Variants in MINAR2 observed in about 807,000 individuals in gnomAD.
The protein encoded by MINAR2 is membrane integral NOTCH2 associated receptor 2, also known as major intrinsically disordered NOTCH2-binding receptor 1-like.
In MINAR2, 21 loss-of-function variants were observed where a neutral mutation model predicts 16.1. The ratio of observed to expected loss-of-function variants is 1.31; its 90% confidence interval spans 0.93 to 1.88. MINAR2 has a LOEUF of 1.88. Ranked by LOEUF, MINAR2 falls within the 40% of genes most tolerant of loss-of-function variation. MINAR2 has a pLI of 0.00. For synonymous variants in MINAR2, 86 were observed against 83.0 expected, an observed-to-expected ratio of 1.04 and a Z score of -0.20; for missense variants, 259 against 229.8, an observed-to-expected ratio of 1.13 and a Z score of -0.82.
Position 129,757,835 on chromosome 5 carries a change from G to A in MINAR2, c.166-2543G>A, listed in dbSNP as rs542169083. Among the ~76,000 whole-genome samples, 6 of 151,834 alleles carry A rather than the reference G, an allele frequency of 4.0e-5. No individual in the cohort carries two copies. In the South Asian group the frequency reaches 1.2e-3, roughly 32 times the overall value. On this transcript the variant is annotated intron_variant, in intron 1 of 2. Transcript: ENST00000564719. ...CTCTATTTCACCTAAATCAATACTT[G>A]CATGGATTCACACACACATTTATCA...
In MINAR2 at chr5:129,748,220, C is replaced by A. The variant is rs1176138115; in HGVS notation, c.30C>A (p.Asn10Lys). The change falls in exon 1 of 3, where the codon AAC becomes AAA. Residue 10 changes from asparagine (N) to lysine (K), a missense_variant. Transcript: ENST00000564719. ...ATCTCTCTGTTTTGCCAAATAACAA[C>A]CATCCTGACAAATTCCTGCAGCTTG... MDLSVLPNN[N>K]HPDKFLQLDV... 6.5e-7 allele frequency: 1 copy of A among 1,535,166 alleles called. No individual in the cohort carries two copies. The highest frequency in any genetic ancestry group is 1.4e-5 in the African/African-American group (1 of 73,134).
chr5:129,763,477 G>C (rs1201171254), intron 2 of MINAR2, among the ~76,000 whole-genome samples: 2 of 152,130 alleles, frequency 1.3e-5, no homozygotes, highest in African/African-American at 4.8e-5. Flanking sequence ...AAAGAGAAAA[G>C]AAATCCATGT....
At chr5:129,761,997 C>T (rs1344381834) in intron 2 of MINAR2, among the ~76,000 whole-genome samples, 1 of 151,954 alleles carries the variant, frequency 6.6e-6, no homozygotes, top group African/African-American at 2.4e-5. Context: ...GGGAACAACA[C>T]ACGCTGGGGC....
In MINAR2 at chr5:129,764,940, C is replaced by G; in HGVS notation, c.450C>G (p.Asp150Glu). The change falls in exon 3 of 3, where the codon GAC becomes GAG. Residue 150 changes from aspartate (D) to glutamate (E), a missense_variant. Physicochemically the swap from Asp to Glu is conservative, Grantham distance 45. Coordinates refer to ENST00000564719, the MANE Select transcript of MINAR2 (RefSeq NM_001257308.2). Reference protein sequence around the residue: ...WLGDMYTPGFDTLLKKEEKQE... With the variant: ...WLGDMYTPGFETLLKKEEKQE... Reference sequence around the variant, plus strand: ...GAGACATGTACACTCCAGGTTTTGACACTTTATTGAAAAAGGAAGAGAAAC... The same window carrying G: ...GAGACATGTACACTCCAGGTTTTGAGACTTTATTGAAAAAGGAAGAGAAAC... 1 of 1,401,446 alleles carries G rather than the reference C, an allele frequency of 7.1e-7. No individual in the cohort carries two copies. The highest frequency in any genetic ancestry group is 9.3e-7 in the Non-Finnish European group (1 of 1,078,904). 86.8% of individuals were successfully genotyped at this position (1,401,446 alleles called of 1,614,324 possible).
At chr5:129,761,012 G>A (rs879484060) in intron 2 of MINAR2, among the ~76,000 whole-genome samples, 1 of 152,124 alleles carries the variant, frequency 6.6e-6, no homozygotes, top group Non-Finnish European at 1.5e-5. Flanking sequence ...TCTGTGTTAG[G>A]CACTGTGCAA....
intron 1 of MINAR2, among the ~76,000 whole-genome samples, chr5:129,759,845 C>G (rs1238028507): frequency 6.6e-6 from 1 of 152,012 alleles, no homozygotes; most frequent in Non-Finnish European, 1.5e-5. Flanking sequence ...TTTACACACA[C>G]ACATGCTAAA....
chr5:129,752,592 G>T (rs1757999070), intron 1 of MINAR2, among the ~76,000 whole-genome samples: 1 of 152,196 alleles, frequency 6.6e-6, no homozygotes, highest in East Asian at 1.9e-4. Context: ...GGCAAGGGGA[G>T]GGATAGCATT....
At chr5:129,762,182 A>G (rs1758145277) in intron 2 of MINAR2, among the ~76,000 whole-genome samples, 1 of 152,180 alleles carries the variant, frequency 6.6e-6, no homozygotes, top group Non-Finnish European at 1.5e-5. Flanking sequence ...AAGTAAAAAA[A>G]AAAATCTGTA....
intron 1 of MINAR2, among the ~76,000 whole-genome samples, chr5:129,756,934 T>TAAAAAAAAA (rs34547893): frequency 5.4e-5 from 4 of 73,964 alleles, no homozygotes; most frequent in Non-Finnish European, 1.1e-4. Flanking sequence ...CTTTCCACAG[T>TAAAAAAAAA]AAAAAAAAAA....
intron 1 of MINAR2, among the ~76,000 whole-genome samples, chr5:129,754,544 G>A (rs1410653432): frequency 2.0e-5 from 3 of 152,010 alleles, no homozygotes; most frequent in Non-Finnish European, 2.9e-5. Flanking sequence ...ATGATGTATC[G>A]TTTTATTTTT....
At chr5:129,755,359 A>T (rs1238293891) in intron 1 of MINAR2, among the ~76,000 whole-genome samples, 1 of 151,904 alleles carries the variant, frequency 6.6e-6, no homozygotes, top group African/African-American at 2.4e-5. Flanking sequence ...TGAGCTGGGG[A>T]TTGTTCCTTT....
chr5:129,753,430 C>A (rs1349862634), intron 1 of MINAR2, among the ~76,000 whole-genome samples: 2 of 137,470 alleles, frequency 1.5e-5, no homozygotes, highest in African/African-American at 2.8e-5. Flanking sequence ...TTGCAGTTAG[C>A]TAAGATCGTG....
At chr5:129,764,353 C>T (rs892459514) in intron 2 of MINAR2, among the ~76,000 whole-genome samples, 13 of 152,164 alleles carry the variant, frequency 8.5e-5, no homozygotes, top group African/African-American at 2.7e-4. Context: ...ATGGAAGAGA[C>T]TCCTGACTTT....
Position 129,748,224 on chromosome 5 carries a change from C to G in MINAR2, c.34C>G (p.Pro12Ala). 6.5e-7 allele frequency: 1 copy of G among 1,535,182 alleles called. No homozygotes were observed. The highest frequency in any genetic ancestry group is 1.2e-5 in the South Asian group (1 of 84,046). The change falls in exon 1 of 3, where the codon CCT becomes GCT. Residue 12 changes from proline (P) to alanine (A), a missense_variant. Transcript: ENST00000564719. ...CTCTGTTTTGCCAAATAACAACCAT[C>G]CTGACAAATTCCTGCAGCTTGACGT... is the stretch of plus-strand genomic sequence containing the variant. Reference protein sequence around the residue: ...DLSVLPNNNHPDKFLQLDVKS... With the variant: ...DLSVLPNNNHADKFLQLDVKS...
intron 1 of MINAR2, among the ~76,000 whole-genome samples, chr5:129,757,915 G>A (rs13183333): frequency 0.5 from 75,310 of 151,290 alleles, 20,658 homozygotes; most frequent in Non-Finnish European, 0.62. Flanking sequence ...TACCTTAAAC[G>A]TCTGTTATCA....
chr5:129,749,672 A>C (rs934375625), intron 1 of MINAR2, among the ~76,000 whole-genome samples: 3 of 152,128 alleles, frequency 2.0e-5, no homozygotes, highest in African/African-American at 7.2e-5. Context: ...AGTTCAGAAA[A>C]CTTGGCCCTT....
intron 1 of MINAR2, among the ~76,000 whole-genome samples, chr5:129,753,715 T>TAG (rs1758016707): frequency 6.6e-6 from 1 of 151,516 alleles, no homozygotes; most frequent in Admixed American, 6.6e-5. Context: ...ATCGCGCCAT[T>TAG]GTTCTCTAGC....
chr5:129,764,003 T>C (rs1013079216), intron 2 of MINAR2, among the ~76,000 whole-genome samples: 1 of 152,130 alleles, frequency 6.6e-6, no homozygotes, highest in African/African-American at 2.4e-5. Flanking sequence ...AAAGCAGAGA[T>C]TGAGTATTCA....
At chr5:129,754,259 C>T (rs10041980) in intron 1 of MINAR2, among the ~76,000 whole-genome samples, 140,871 of 152,210 alleles carry the variant, frequency 0.93, 65,230 homozygotes, top group East Asian at 1. Flanking sequence ...TTGAATTTTA[C>T]CCTGAAAATT....
Sources: gnomAD v4.1 joint callset for allele counts (sites outside exome capture counted in the v4.1 genomes callset) on GRCh38, gnomAD v4.1.1 for gene constraint, MANE v1.5 for transcripts, NCBI Gene and HGNC (gene_info 2026-07-23, HGNC 2026-07-21) for gene names.